The following KCTD9 variants were observed in gnomAD, a reference collection of about 807,000 sequenced individuals.
The protein encoded by KCTD9 is BTB/POZ domain-containing protein KCTD9.
KCTD9 carries 17 observed loss-of-function variants against 53.3 expected under a neutral mutation model. The observed-to-expected ratio is 0.32, with a 90% CI of 0.22 to 0.48. The LOEUF is 0.48. KCTD9 is among the 20% of genes least tolerant of loss of function. The probability of loss-of-function intolerance (pLI) is 0.99; values close to 1 mark genes in which losing one functional copy is unlikely to be tolerated. For missense variants in KCTD9, 179 were observed against 465.5 expected, an observed-to-expected ratio of 0.38 and a Z score of 5.66; for synonymous variants, 128 against 162.7, an observed-to-expected ratio of 0.79 and a Z score of 1.62.
rs929091728 is a variant in KCTD9, at chr8:25,433,357, G to C, written c.892C>G (p.Pro298Ala). ...ASLKLCNFED[P>A]SGLKANLEGA... ...TCTAAATTGGCTTTAAGACCAGAAGGATCCTCAAAATTACACAGTTTCAGG... is the reference window on the plus strand; with the variant it reads ...TCTAAATTGGCTTTAAGACCAGAAGCATCCTCAAAATTACACAGTTTCAGG... The change falls in exon 10 of 12, where the codon CCT (proline) becomes GCT (alanine). Residue 298 changes from proline (P) to alanine (A), a missense_variant. Pro to Ala is a conservative substitution (Grantham distance 27). This residue lies in a region of KCTD9 where 30 missense variants were observed against 133.2 expected (regional missense o/e 0.23). Coordinates refer to ENST00000221200, the MANE Select transcript of KCTD9 (RefSeq NM_017634.4). The C allele has an allele frequency of 6.2e-6, 10 of 1,604,950 alleles. No homozygotes were observed. The highest frequency in any genetic ancestry group is 8.5e-6 in the Non-Finnish European group (10 of 1,173,508).
intron 3 of KCTD9, among the ~76,000 whole-genome samples, chr8:25,443,426 G>A (rs999926118): frequency 6.6e-6 from 1 of 152,056 alleles, no homozygotes. Flanking sequence ...AAATGCAGAG[G>A]ATGAAAATAT....
At chr8:25,440,909 A>G (rs1271694595) in intron 3 of KCTD9, among the ~76,000 whole-genome samples, 2 of 152,238 alleles carry the variant, frequency 1.3e-5, no homozygotes, top group South Asian at 2.1e-4. Flanking sequence ...AAGAAAAAGC[A>G]GAGAGAAGCA....
At position 25,428,152 on chromosome 8, in the gene KCTD9, C is replaced by T. The variant is rs1345813160; in HGVS notation, c.*1705G>A. On this transcript the variant is annotated 3_prime_UTR_variant, in exon 12 of 12. Transcript: ENST00000221200. ...TTTTAGGTTATTTCTACAGAGGTAC[C>T]TTTAAGTGAATGAATACCACATTCT... 2 of 152,554 alleles carry T rather than the reference C, an allele frequency of 1.3e-5. No homozygotes were observed. The highest frequency in any genetic ancestry group is 2.9e-5 in the Non-Finnish European group (2 of 68,012). 9.5% of individuals were successfully genotyped at this position (152,554 alleles called of 1,614,324 possible). A position where few individuals can be genotyped will look rare whatever the true frequency, so the allele number is the denominator to read the frequency against.
rs185568789 is a variant in KCTD9, at chr8:25,431,253, T to G, written c.1053+1251A>C. ...AAAGATTTTACTTAATCAAATTGTG[T>G]AATAGATTTTTCCATTCCCTAGCCC... On this transcript the variant is annotated intron_variant, in intron 11 of 11. Coordinates refer to ENST00000221200, the MANE Select transcript of KCTD9 (RefSeq NM_017634.4). Among the ~76,000 whole-genome samples, 133 of 152,264 alleles carry G rather than the reference T, an allele frequency of 8.7e-4. 2 individuals are homozygous for G. Among genetic ancestry groups the G allele is most frequent in the Admixed American group, 7.8e-3 (120 of 15,300 alleles).
chr8:25,440,765 A>G (rs1802107226), intron 3 of KCTD9, 92 bp from the exon 4 acceptor site: 2 of 841,222 alleles, frequency 2.4e-6, no homozygotes, highest in East Asian at 2.6e-5. Flanking sequence ...GAATACACAC[A>G]TAATAAAAGC....
intron 2 of KCTD9, among the ~76,000 whole-genome samples, chr8:25,444,774 TCTA>T (rs1802186246): frequency 6.6e-6 from 1 of 152,148 alleles, no homozygotes; most frequent in Non-Finnish European, 1.5e-5. Flanking sequence ...TGGAAGTAAC[TCTA>T]CTGTCAGTGT....
intron 1 of KCTD9, among the ~76,000 whole-genome samples, chr8:25,457,981 C>G (rs1802500213): frequency 6.6e-6 from 1 of 151,876 alleles, no homozygotes; most frequent in African/African-American, 2.4e-5. Flanking sequence ...CGCCGGCCCC[C>G]AGGCAGCTGA....
At chr8:25,431,698 A>G (rs1316952422) in intron 11 of KCTD9, among the ~76,000 whole-genome samples, 1 of 152,188 alleles carries the variant, frequency 6.6e-6, no homozygotes, top group Non-Finnish European at 1.5e-5. Context: ...ACTTAGGCCA[A>G]TTCTTTTTGC....
In KCTD9 at chr8:25,457,993, G is replaced by A. The variant is rs547140431; in HGVS notation, c.48+206C>T. Among the ~76,000 whole-genome samples the A allele has an allele frequency of 8.1e-3, 1,222 of 151,756 alleles. 9 individuals carry two copies. Among genetic ancestry groups the A allele is most frequent in the Non-Finnish European group, 0.014 (963 of 67,838 alleles). On this transcript the variant is annotated intron_variant, in intron 1 of 11. Coordinates refer to ENST00000221200, the MANE Select transcript of KCTD9 (RefSeq NM_017634.4). ...CCGCGCCGGCCCCCAGGCAGCTGAG[G>A]CACTGAAGGGCAGGCTCGGGCACGG...
At chr8:25,445,765 A>G (rs1276551450) in intron 2 of KCTD9, among the ~76,000 whole-genome samples, 2 of 152,018 alleles carry the variant, frequency 1.3e-5, no homozygotes, top group Non-Finnish European at 2.9e-5. Flanking sequence ...TATAAAATGC[A>G]AAGCATTCTT....
intron 6 of KCTD9, among the ~76,000 whole-genome samples, chr8:25,438,438 G>A (rs765308157): frequency 2.0e-5 from 3 of 151,926 alleles, no homozygotes; most frequent in South Asian, 2.1e-4. Flanking sequence ...TGATTCTGAT[G>A]TGTTCAGCAT....
intron 3 of KCTD9, among the ~76,000 whole-genome samples, chr8:25,443,831 AGTGTGTGTGCACACCT>A (rs1802166202): frequency 6.6e-6 from 1 of 152,182 alleles, no homozygotes; most frequent in Non-Finnish European, 1.5e-5. Context: ...ATCAAAGGGT[AGTGTGTGTGCACACCT>A]GTGTGTGTGG....
chr8:25,436,367 G>A, intron 7 of KCTD9, 37 bp from the exon 8 acceptor site: 3 of 1,588,104 alleles, frequency 1.9e-6, no homozygotes, highest in Non-Finnish European at 2.6e-6. Flanking sequence ...GGAGTCTTTT[G>A]GGAGATAGCT....
intron 8 of KCTD9, among the ~76,000 whole-genome samples, chr8:25,436,029 ATAAT>A (rs1455478603): frequency 6.6e-6 from 1 of 152,238 alleles, no homozygotes; most frequent in Non-Finnish European, 1.5e-5. Context: ...TGCATGAGGT[ATAAT>A]TAGACAATTT....
At chr8:25,430,859 C>T (rs1202967101) in intron 11 of KCTD9, among the ~76,000 whole-genome samples, 4 of 149,348 alleles carry the variant, frequency 2.7e-5, no homozygotes, top group Admixed American at 6.6e-5. Context: ...TTTTTTGAAA[C>T]GGAGTTTTGC....
chr8:25,442,011 TAAATA>T (rs769982280), intron 3 of KCTD9, among the ~76,000 whole-genome samples: 1 of 150,840 alleles, frequency 6.6e-6, no homozygotes, highest in Non-Finnish European at 1.5e-5. Flanking sequence ...CTCAAAAAAA[TAAATA>T]AAATAAAAAG....
chr8:25,431,163 C>G (rs1053258216), intron 11 of KCTD9, among the ~76,000 whole-genome samples: 1 of 152,052 alleles, frequency 6.6e-6, no homozygotes. Flanking sequence ...AACAATTTTA[C>G]TATGATCCAA....
At position 25,429,039 on chromosome 8, in the gene KCTD9, T is replaced by C. The variant is rs963423436; in HGVS notation, c.*818A>G. 2.6e-5 allele frequency: 4 copies of C among 152,218 alleles called. No individual in the cohort carries two copies. Among genetic ancestry groups the C allele is most frequent in the African/African-American group, 9.6e-5 (4 of 41,468 alleles). The allele number at this position is 152,218 out of a possible 1,614,324, so 9.4% of individuals were successfully genotyped here. A position where few individuals can be genotyped will look rare whatever the true frequency, so the allele number is the denominator to read the frequency against. ...TGACTGTATGAGAAAACTAGGCTAA[T>C]AGTGTAAATAGATAGAATTGCTTGA... On this transcript the variant is annotated 3_prime_UTR_variant, in exon 12 of 12. Coordinates refer to ENST00000221200, the MANE Select transcript of KCTD9 (RefSeq NM_017634.4).
At chr8:25,456,461 G>A (rs114292815) in intron 1 of KCTD9, among the ~76,000 whole-genome samples, 1 of 152,114 alleles carries the variant, frequency 6.6e-6, no homozygotes, top group African/African-American at 2.4e-5. Context: ...ACTGAAGGGA[G>A]AGAAAACACT....
Sources: gnomAD v4.1 joint callset for allele counts (sites outside exome capture counted in the v4.1 genomes callset) on GRCh38, gnomAD v4.1.1 for gene constraint, gnomAD v4.1.1 regional missense constraint, MANE v1.5 for transcripts, NCBI Gene and HGNC (gene_info 2026-07-23, HGNC 2026-07-21) for gene names.